The following MEGF10 variants were observed in gnomAD, a reference collection of about 807,000 sequenced individuals.
MEGF10 encodes multiple EGF like domains 10.
MEGF10 carries 86 observed loss-of-function variants against 147.5 expected under a neutral mutation model. The observed-to-expected ratio is 0.58, with a 90% CI of 0.49 to 0.70. The LOEUF (loss-of-function observed/expected upper bound fraction) is 0.70. Ranked by LOEUF, MEGF10 falls within the 30% of genes least tolerant of loss-of-function variation. The pLI is 0.00. For synonymous variants in MEGF10, 478 were observed against 525.5 expected, an observed-to-expected ratio of 0.91 and a Z score of 1.24; for missense variants, 1,329 against 1,487.3, an observed-to-expected ratio of 0.89 and a Z score of 1.75.
At chr5:127,263,354 G>A in the MEGF10 span, among the ~76,000 whole-genome samples, 2 of 151,850 alleles carry the variant, frequency 1.3e-5, no homozygotes, top group Non-Finnish European at 2.9e-5. Context: ...TAATAGATAA[G>A]CAGGACATTC....
chr5:127,284,236 G>A, the MEGF10 span, among the ~76,000 whole-genome samples: 1 of 152,112 alleles, frequency 6.6e-6, no homozygotes, highest in South Asian at 2.1e-4. Context: ...AGACTCATGG[G>A]CCAAGAACCC....
chr5:127,327,670 T>C (rs1761090320), intron 1 of MEGF10, among the ~76,000 whole-genome samples: 1 of 151,732 alleles, frequency 6.6e-6, no homozygotes, highest in Non-Finnish European at 1.5e-5. Flanking sequence ...AGGGAAAAAG[T>C]AAATGAATGC....
chr5:127,284,410 A>G, the MEGF10 span, among the ~76,000 whole-genome samples: 1 of 151,426 alleles, frequency 6.6e-6, no homozygotes, highest in Admixed American at 6.6e-5. Flanking sequence ...TTCAGTGACT[A>G]TGAGGAAAAA....
At chr5:127,272,080 A>C in the MEGF10 span, among the ~76,000 whole-genome samples, 1 of 152,162 alleles carries the variant, frequency 6.6e-6, no homozygotes, top group Non-Finnish European at 1.5e-5. Context: ...TAAAGTCTCA[A>C]GATGGATATC....
the MEGF10 span, among the ~76,000 whole-genome samples, chr5:127,261,599 A>G: frequency 6.6e-6 from 1 of 152,154 alleles, no homozygotes; most frequent in Admixed American, 6.5e-5. Flanking sequence ...TTTGTGTGGA[A>G]TTATACATGT....
intron 6 of MEGF10, among the ~76,000 whole-genome samples, chr5:127,397,488 T>TA (rs1042144458): frequency 9.2e-5 from 14 of 151,894 alleles, no homozygotes; most frequent in East Asian, 7.7e-4. Context: ...CAGAAGTTGC[T>TA]AAAAAAAAGT....
At chr5:127,233,231 C>A in the MEGF10 span, among the ~76,000 whole-genome samples, 34 of 152,156 alleles carry the variant, frequency 2.2e-4, no homozygotes, top group African/African-American at 8.0e-4. Context: ...AGTTAGGCTC[C>A]GCAGAATCCT....
the MEGF10 span, among the ~76,000 whole-genome samples, chr5:127,272,623 C>A: frequency 1.3e-5 from 2 of 152,074 alleles, no homozygotes; most frequent in Non-Finnish European, 2.9e-5. Context: ...GTTTGTAGTT[C>A]TCCGTGATGA....
At chr5:127,408,754 A>G (rs1764431429) in intron 8 of MEGF10, among the ~76,000 whole-genome samples, 1 of 152,168 alleles carries the variant, frequency 6.6e-6, no homozygotes. Context: ...ATCACATTAA[A>G]TATATGCTAG....
intron 1 of MEGF10, among the ~76,000 whole-genome samples, chr5:127,314,591 G>T (rs1210506220): frequency 6.6e-6 from 1 of 152,162 alleles, no homozygotes; most frequent in African/African-American, 2.4e-5. Flanking sequence ...ATAAATTATT[G>T]CAAAGAGAGA....
intron 4 of MEGF10, among the ~76,000 whole-genome samples, chr5:127,343,392 G>A (rs1342170850): frequency 3.3e-5 from 5 of 150,938 alleles, no homozygotes; most frequent in East Asian, 3.9e-4. Flanking sequence ...TGCCCCACCC[G>A]CTCCTCCATG....
At chr5:127,373,200 T>C (rs914015640) in intron 5 of MEGF10, among the ~76,000 whole-genome samples, 2 of 152,198 alleles carry the variant, frequency 1.3e-5, no homozygotes, top group Non-Finnish European at 2.9e-5. Flanking sequence ...TCACCTAGGC[T>C]GGAGTGCAAT....
intron 4 of MEGF10, among the ~76,000 whole-genome samples, chr5:127,357,901 A>C (rs1762335703): frequency 6.6e-6 from 1 of 152,190 alleles, no homozygotes; most frequent in Non-Finnish European, 1.5e-5. Flanking sequence ...AAAGCATCCC[A>C]CTTTGGATGA....
chr5:127,324,758 C>T (rs1001940066), intron 1 of MEGF10, among the ~76,000 whole-genome samples: 2 of 152,196 alleles, frequency 1.3e-5, no homozygotes, highest in Admixed American at 6.5e-5. Context: ...TTAAACTGAA[C>T]CCCTTAGCTT....
chr5:127,456,733 A>G lies in MEGF10; in HGVS notation c.3233-395A>G, dbSNP rs1008013684. Among the ~76,000 whole-genome samples, 22 of 152,356 alleles carry G rather than the reference A, an allele frequency of 1.4e-4. 1 individual carries two copies. The highest frequency in any genetic ancestry group is 3.4e-3 in the Middle Eastern group (1 of 294). On this transcript the variant is annotated intron_variant, in intron 24 of 24. Transcript: ENST00000503335. ...AATGAGAGCCTGAGTCTTGAGTCCTAAAGTTCTGAACATGTTGAGTGTTTT... is the reference window on the plus strand; with the variant it reads ...AATGAGAGCCTGAGTCTTGAGTCCTGAAGTTCTGAACATGTTGAGTGTTTT...
chr5:127,391,092 G>GCGCA (rs1763650334), intron 5 of MEGF10, among the ~76,000 whole-genome samples: 3 of 20,720 alleles, frequency 1.4e-4, no homozygotes, highest in African/African-American at 3.3e-4. Context: ...ACACATGCGC[G>GCGCA]CGCGCGCGCG....
chr5:127,322,931 A>G (rs921676472), intron 1 of MEGF10, among the ~76,000 whole-genome samples: 1 of 152,126 alleles, frequency 6.6e-6, no homozygotes, highest in Non-Finnish European at 1.5e-5. Flanking sequence ...TAATGTGTAT[A>G]TATATATTTA....
rs1275647666 is a variant in MEGF10, at chr5:127,340,645, C to A, written c.319+15C>A. 6.2e-7 allele frequency: 1 copy of A among 1,603,020 alleles called. No homozygotes were observed. The highest frequency in any genetic ancestry group is 2.2e-5 in the East Asian group (1 of 44,764). On this transcript the variant is annotated intron_variant, in intron 4 of 24. Transcript: ENST00000503335. ...AATGTGTGTCCGTAAGTAAGACTGT[C>A]ACCCCTTTGAGATTCGCTAGTTTTT...
At chr5:127,438,617 G>A in intron 17 of MEGF10, 50 bp downstream of exon 17, 1 of 1,603,114 alleles carries the variant, frequency 6.2e-7, no homozygotes, top group South Asian at 1.1e-5. Flanking sequence ...TGTCCAAGGA[G>A]GAAACAGCCT....
Sources: allele counts gnomAD v4.1 joint callset (sites outside exome capture counted in the v4.1 genomes callset), GRCh38; gene constraint gnomAD v4.1.1; transcripts MANE v1.5; gene names NCBI Gene and HGNC (gene_info 2026-07-23, HGNC 2026-07-21).